The following APBA2 variants were observed in gnomAD, a reference collection of about 807,000 sequenced individuals.
APBA2 encodes amyloid beta precursor protein binding family A member 2.
In APBA2, 30 loss-of-function variants were observed where a neutral mutation model predicts 75.0. The ratio of observed to expected loss-of-function variants is 0.40; its 90% CI spans 0.30 to 0.54. The LOEUF is 0.54. APBA2 is among the 20% of genes least tolerant of loss of function. The pLI is 0.49. For missense variants in APBA2, 801 were observed against 1,016.1 expected (o/e 0.79, Z 2.88); for synonymous variants, 444 against 409.6 (o/e 1.08, Z -1.01).
At chr15:28,912,938 C>T (rs1289237039) in intron 1 of APBA2, among the ~76,000 whole-genome samples, 1 of 152,226 alleles carries the variant, frequency 6.6e-6, no homozygotes, top group Non-Finnish European at 1.5e-5. Flanking sequence ...CTGTTGAATA[C>T]CTGCTGTGTG....
chr15:29,088,165 G>A (rs1317270775), intron 6 of APBA2, among the ~76,000 whole-genome samples: 1 of 152,050 alleles, frequency 6.6e-6, no homozygotes, highest in Non-Finnish European at 1.5e-5. Flanking sequence ...CTTGTAGTTG[G>A]CCTCCTGCTA....
chr15:29,101,885 C>T, intron 10 of APBA2, 101 bp downstream of exon 10: 2 of 1,208,532 alleles, frequency 1.7e-6, no homozygotes, highest in Non-Finnish European at 2.4e-6. Context: ...TGGAAAGCCT[C>T]CATGCTGTTA....
intron 4 of APBA2, chr15:29,071,139 A>G (rs2042603910): frequency 2.3e-6 from 1 of 442,676 alleles, no homozygotes; most frequent in South Asian, 1.6e-5. Context: ...ATCCAAAGCA[A>G]TGTGATTATA....
intron 1 of APBA2, among the ~76,000 whole-genome samples, chr15:28,890,153 A>G (rs1488321435): frequency 2.6e-5 from 4 of 152,198 alleles, no homozygotes; most frequent in Non-Finnish European, 5.9e-5. Context: ...TCCTCCTGGC[A>G]TGTAGCACAG....
intron 3 of APBA2, among the ~76,000 whole-genome samples, chr15:29,025,680 G>T (rs1326252842): frequency 1.3e-5 from 2 of 151,746 alleles, no homozygotes; most frequent in African/African-American, 4.8e-5. Flanking sequence ...GGCTGGGCGT[G>T]GTGGCTCACG....
chr15:29,085,705 C>T (rs1029852345), intron 6 of APBA2, among the ~76,000 whole-genome samples: 4 of 152,048 alleles, frequency 2.6e-5, no homozygotes, highest in Non-Finnish European at 5.9e-5. Context: ...TGAGTCCCGT[C>T]AATGTGAACC....
At chr15:29,043,022 C>T (rs1355668768) in intron 3 of APBA2, among the ~76,000 whole-genome samples, 5 of 152,178 alleles carry the variant, frequency 3.3e-5, no homozygotes, top group African/African-American at 1.2e-4. Context: ...CAAGGCACCG[C>T]TATTTCCAGA....
At chr15:29,106,942 G>C in intron 12 of APBA2, 123 bp downstream of exon 12, 3 of 908,012 alleles carry the variant, frequency 3.3e-6, no homozygotes, top group Non-Finnish European at 1.7e-6. Context: ...TGAGGCCCAG[G>C]GAGACCCACC....
At chr15:28,936,092 A>G (rs2034851480) in intron 2 of APBA2, among the ~76,000 whole-genome samples, 4 of 152,214 alleles carry the variant, frequency 2.6e-5, no homozygotes, top group Admixed American at 1.3e-4. Flanking sequence ...CCAATCTAGT[A>G]GAAAATAGAC....
At chr15:28,959,190 T>C (rs1376621114) in intron 2 of APBA2, among the ~76,000 whole-genome samples, 1 of 152,168 alleles carries the variant, frequency 6.6e-6, no homozygotes, top group Non-Finnish European at 1.5e-5. Flanking sequence ...GGTTTCACCA[T>C]GTTGGCCAGG....
intron 2 of APBA2, among the ~76,000 whole-genome samples, chr15:28,928,107 G>A (rs967304329): frequency 6.9e-6 from 1 of 143,888 alleles, no homozygotes. Context: ...TCACTCCACT[G>A]TACTCCAGCC....
At chr15:28,890,413 G>C (rs563312490) in intron 1 of APBA2, among the ~76,000 whole-genome samples, 2 of 152,262 alleles carry the variant, frequency 1.3e-5, no homozygotes, top group South Asian at 4.2e-4. Context: ...TTGGAAGGAG[G>C]CACCCCCACG....
At chr15:29,116,928 G>T in intron 14 of APBA2, 134 bp from the exon 15 acceptor site, 1 of 963,146 alleles carries the variant, frequency 1.0e-6, no homozygotes, top group Admixed American at 1.7e-5. Flanking sequence ...GGGCAGGCTG[G>T]CCTTCCTCCT....
chr15:29,011,585 T>C (rs1325974084), intron 3 of APBA2, among the ~76,000 whole-genome samples: 2 of 152,222 alleles, frequency 1.3e-5, no homozygotes, highest in Non-Finnish European at 2.9e-5. Flanking sequence ...CATGTGCCCT[T>C]GTGTGTAGTT....
At chr15:29,056,636 CCTCTCTCTCT>C (rs147310000) in intron 4 of APBA2, among the ~76,000 whole-genome samples, 26 of 96,298 alleles carry the variant, frequency 2.7e-4, no homozygotes, top group African/African-American at 1.2e-3. Flanking sequence ...CTCCCTCCCT[CCTCTCTCTCT>C]CTCTCTCTCT....
chr15:29,015,528 G>T (rs2039615092), intron 3 of APBA2, among the ~76,000 whole-genome samples: 1 of 152,146 alleles, frequency 6.6e-6, no homozygotes, highest in African/African-American at 2.4e-5. Flanking sequence ...AAGAGGGAGA[G>T]AATCTTTTAG....
intron 2 of APBA2, among the ~76,000 whole-genome samples, chr15:28,946,019 G>A (rs1210553577): frequency 6.6e-6 from 1 of 152,206 alleles, no homozygotes; most frequent in Admixed American, 6.5e-5. Flanking sequence ...GCCTATTACT[G>A]TTATGCAAAT....
chr15:29,107,588 C>T (rs9806230), intron 12 of APBA2, among the ~76,000 whole-genome samples: 101,467 of 151,796 alleles, frequency 0.67, 39,446 homozygotes, highest in Non-Finnish European at 0.87. Context: ...GGAGCTGGCC[C>T]GGCAGAGCGT....
rs1292592322 is a variant in APBA2 at position 29,053,916 on chromosome 15, G to A, written c.32G>A (p.Ser11Asn). The change falls in exon 4 of 15, where the codon AGC becomes AAC. Residue 11 changes from serine (S) to asparagine (N), a missense_variant. Ser to Asn is a conservative substitution (Grantham distance 46). This residue lies in a region of APBA2 where 434 missense variants were observed against 471.6 expected (regional missense o/e 0.92). Transcript: ENST00000683413. ...CACCGGAAGCTTGAGAGCGTGGGGA[G>A]CGGCATGTTGGACCATAGGGTGAGA... MAHRKLESVG[S>N]GMLDHRVRPG... 6.8e-6 allele frequency: 11 copies of A among 1,612,874 alleles called. No individual in the cohort carries two copies. The highest frequency in any genetic ancestry group is 2.2e-5 in the East Asian group (1 of 44,804).
Sources: gnomAD v4.1 joint callset for allele counts (sites outside exome capture counted in the v4.1 genomes callset) on GRCh38, gnomAD v4.1.1 for gene constraint, gnomAD v4.1.1 regional missense constraint, MANE v1.5 for transcripts, NCBI Gene and HGNC (gene_info 2026-07-23, HGNC 2026-07-21) for gene names.